TYRO3: variants seen among roughly 807,000 people sequenced by gnomAD.
The protein encoded by TYRO3 is tyrosine-protein kinase receptor TYRO3.
A neutral mutation model predicts 95.2 loss-of-function variants in TYRO3; 38 were observed. The ratio of observed to expected loss-of-function variants is 0.40; its 90% confidence interval spans 0.31 to 0.52. The LOEUF (loss-of-function observed/expected upper bound fraction) is 0.52. TYRO3 is among the 20% of genes least tolerant of loss of function. The pLI, the probability that TYRO3 is intolerant of heterozygous loss-of-function variation, is 0.56. For synonymous variants in TYRO3, 367 were observed against 432.9 expected, an observed-to-expected ratio of 0.85 and a Z score of 1.89; for missense variants, 812 against 1,116.4, an observed-to-expected ratio of 0.73 and a Z score of 3.89.
chr15:41,562,549 T>C lies in TYRO3; in HGVS notation c.411T>C (p.Gly137=), dbSNP rs775017119. ...CTCCTCACTCCCCTTCTCTCCTAGG[T>C]GTGCCATTTTTCACAGTGGAGCCAA... The part of the protein sequence containing the change: ...ISQPVWLTVE[G]VPFFTVEPKD... Residue 137 remains glycine (G), a splice_region_variant and synonymous_variant, in exon 4 of 19, where the codon GGT becomes GGC. Coordinates refer to ENST00000263798, the MANE Select transcript of TYRO3 (RefSeq NM_006293.4). The C allele has an allele frequency of 1.9e-6, 3 of 1,612,340 alleles. No homozygotes were observed. In the South Asian group the frequency reaches 3.3e-5, roughly 18 times the overall value.
At chr15:41,560,428 T>TGTGTGTGTGTGTGTGC (rs1408766845) in intron 1 of TYRO3, among the ~76,000 whole-genome samples, 17 of 135,308 alleles carry the variant, frequency 1.3e-4, no homozygotes, top group African/African-American at 2.4e-4. Context: ...TGTGTGTGTG[T>TGTGTGTGTGTGTGTGC]GCGCGCGCGC....
intron 6 of TYRO3, among the ~76,000 whole-genome samples, chr15:41,565,494 C>T (rs2055710523): frequency 6.6e-6 from 1 of 151,770 alleles, no homozygotes; most frequent in Non-Finnish European, 1.5e-5. Context: ...CTGCAACCTC[C>T]ACCTCCTGGG....
At chr15:41,562,449 C>A in intron 3 of TYRO3, 99 bp from the exon 4 acceptor site, 1 of 1,251,406 alleles carries the variant, frequency 8.0e-7, no homozygotes, top group Non-Finnish European at 1.1e-6. Context: ...CTGTGGGAAC[C>A]TTCTGCGTGG....
intron 4 of TYRO3, 28 bp downstream of exon 4, chr15:41,562,746 G>A: frequency 6.3e-7 from 1 of 1,589,996 alleles, no homozygotes; most frequent in East Asian, 2.3e-5. Context: ...GGGGCTGGGA[G>A]TGGAGAAGGA....
intron 18 of TYRO3, among the ~76,000 whole-genome samples, chr15:41,576,202 CT>C (rs1177696815): frequency 1.3e-5 from 2 of 148,642 alleles, no homozygotes; most frequent in Admixed American, 6.7e-5. Flanking sequence ...AGGACTTTTT[CT>C]TTTTTTTGAA....
intron 1 of TYRO3, among the ~76,000 whole-genome samples, chr15:41,560,435 GCGCGCGCGCGCTCGCA>G (rs2055637135): frequency 3.4e-5 from 5 of 148,750 alleles, no homozygotes; most frequent in African/African-American, 1.0e-4. Context: ...GTGTGCGCGC[GCGCGCGCGCGCTCGCA>G]CGCAAGTTCC....
chr15:41,563,771 G>A (rs1474449638), intron 4 of TYRO3, among the ~76,000 whole-genome samples: 1 of 152,232 alleles, frequency 6.6e-6, no homozygotes, highest in Non-Finnish European at 1.5e-5. Flanking sequence ...AAGGCAGAGA[G>A]TCTGCAAATA....
chr15:41,575,577 T>C (rs1004902798), intron 18 of TYRO3, among the ~76,000 whole-genome samples: 4 of 152,240 alleles, frequency 2.6e-5, no homozygotes, highest in African/African-American at 9.6e-5. Flanking sequence ...GTTCAGTGTC[T>C]GGCATGATTA....
intron 15 of TYRO3, 97 bp downstream of exon 15, chr15:41,572,661 G>C: frequency 6.5e-7 from 1 of 1,530,362 alleles, no homozygotes; most frequent in Admixed American, 1.9e-5. Context: ...TTGCTGGGTA[G>C]GGCTGATGGA....
At position 41,579,814 on chromosome 15, in the gene TYRO3, A is replaced by G. The variant is rs1378261255; in HGVS notation, c.*1538A>G. 1.3e-5 allele frequency: 2 copies of G among 150,312 alleles called. No individual in the cohort carries two copies. The highest frequency in any genetic ancestry group is 3.9e-4 in the East Asian group (2 of 5,124). The allele number at this position is 150,312 out of a possible 1,614,324, so 9.3% of individuals were successfully genotyped here. A position where few individuals can be genotyped will look rare whatever the true frequency, so the allele number is the denominator to read the frequency against. On this transcript the variant is annotated 3_prime_UTR_variant, in exon 19 of 19. Transcript: ENST00000263798. ...ACTCTGTCGCCCAGGCTGGAGTGCA[A>G]TTGCGCGATCTGAGCTCACTGCAAG...
intron 5 of TYRO3, 64 bp downstream of exon 5, chr15:41,564,334 C>A: frequency 6.7e-7 from 1 of 1,502,900 alleles, no homozygotes; most frequent in Non-Finnish European, 9.3e-7. Flanking sequence ...AGCTGTCCAG[C>A]AGTTAGAATC....
At chr15:41,564,057 C>T in intron 4 of TYRO3, 127 bp from the exon 5 acceptor site, 1 of 869,872 alleles carries the variant, frequency 1.1e-6, no homozygotes, top group South Asian at 1.5e-5. Context: ...TACCTCACTG[C>T]CCAGCCCCTT....
Position 41,583,362 on chromosome 15 carries a change from GA to G in TYRO3, c.*5088del, listed in dbSNP as rs1196196662. The G allele has an allele frequency of 1.3e-5, 2 of 151,488 alleles. No individual in the cohort carries two copies. Among genetic ancestry groups the G allele is most frequent in the Non-Finnish European group, 3.0e-5 (2 of 67,598 alleles). 9.4% of individuals were successfully genotyped at this position (151,488 alleles called of 1,614,324 possible). ...CCAGGCTGGTCTTGAACTCTGGGCT[GA>G]AGCGATCTGCCCACCTTGGCCTCTC... On this transcript the variant is annotated 3_prime_UTR_variant, in exon 19 of 19. Coordinates refer to ENST00000263798, the MANE Select transcript of TYRO3 (RefSeq NM_006293.4).
rs1008022302 is a variant in TYRO3 at position 41,582,569 on chromosome 15, C to T, written c.*4293C>T. ...TGCTGGTGGGTGCCTGTAATCCCAGCTACTTGGGAGGCTGAGGTAGGAGAA... is the reference window on the plus strand; with the variant it reads ...TGCTGGTGGGTGCCTGTAATCCCAGTTACTTGGGAGGCTGAGGTAGGAGAA... On this transcript the variant is annotated 3_prime_UTR_variant, in exon 19 of 19. Coordinates refer to ENST00000263798, the MANE Select transcript of TYRO3 (RefSeq NM_006293.4). 6.6e-6 allele frequency: 1 copy of T among 151,670 alleles called. No individual in the cohort carries two copies. Among genetic ancestry groups the T allele is most frequent in the African/African-American group, 2.4e-5 (1 of 41,266 alleles). 9.4% of individuals were successfully genotyped at this position (151,670 alleles called of 1,614,324 possible). A position where few individuals can be genotyped will look rare whatever the true frequency, so the allele number is the denominator to read the frequency against.
Position 41,571,135 on chromosome 15 carries a change from T to A in TYRO3, c.1660+17T>A. On this transcript the variant is annotated intron_variant, in intron 13 of 18. Transcript: ENST00000263798. ...TGCTGAAAGGTGAGTGGGGGATAGC[T>A]GTAGCCTGAGGGCATCACTTGGAAG... is the stretch of plus-strand genomic sequence containing the variant. The A allele has an allele frequency of 6.8e-7, 1 of 1,473,644 alleles. No individual in the cohort carries two copies. The highest frequency in any genetic ancestry group is 9.5e-7 in the Non-Finnish European group (1 of 1,050,540). The allele number at this position is 1,473,644 out of a possible 1,614,324, so 91.3% of individuals were successfully genotyped here.
intron 9 of TYRO3, among the ~76,000 whole-genome samples, chr15:41,569,826 C>T (rs1221688672): frequency 6.6e-6 from 1 of 152,196 alleles, no homozygotes; most frequent in Non-Finnish European, 1.5e-5. Flanking sequence ...AATCCATGGT[C>T]ACCCTCTAGG....
rs139698238 is a variant in TYRO3 at position 41,570,669 on chromosome 15, C to G, written c.1549C>G (p.Gln517Glu). Reference protein sequence around the residue: ...KLEDVLIPEQQFTLGRMLGKG... With the variant: ...KLEDVLIPEQEFTLGRMLGKG... ...GGAGGATGTGCTCATCCCAGAGCAG[C>G]AGTTCACCCTGGGCCGGATGTTGGG... The change falls in exon 12 of 19, where the codon CAG (glutamine) becomes GAG (glutamate). Residue 517 changes from glutamine (Q) to glutamate (E), a missense_variant. Transcript: ENST00000263798. The G allele has an allele frequency of 1.2e-6, 2 of 1,614,082 alleles. No homozygotes were observed. Among genetic ancestry groups the G allele is most frequent in the African/African-American group, 1.3e-5 (1 of 74,916 alleles).
At position 41,561,135 on chromosome 15, in the gene TYRO3, C is replaced by T. The variant is rs2055647223; in HGVS notation, c.133C>T (p.Leu45Phe). The T allele has an allele frequency of 6.2e-7, 1 of 1,614,054 alleles. No individual in the cohort carries two copies. The highest frequency in any genetic ancestry group is 1.7e-5 in the Admixed American group (1 of 60,006). ...TCCTTCCCACCCCTCAGGTCTGAAG[C>T]TCATGGGAGCCCCGGTGAAGCTGAC... ...LPESAAAGLK[L>F]MGAPVKLTVS... The change falls in exon 2 of 19, where the codon CTC (leucine) becomes TTC (phenylalanine). Residue 45 changes from leucine to phenylalanine, a missense_variant. Transcript: ENST00000263798.
intron 15 of TYRO3, among the ~76,000 whole-genome samples, 154 bp from the exon 16 acceptor site, chr15:41,572,848 C>A (rs543787957): frequency 5.5e-4 from 84 of 152,296 alleles, no homozygotes; most frequent in African/African-American, 1.9e-3. Context: ...TTAGGCTAGC[C>A]GAAGCTTCCT....
Sources: allele counts gnomAD v4.1 joint callset (sites outside exome capture counted in the v4.1 genomes callset), GRCh38; gene constraint gnomAD v4.1.1; transcripts MANE v1.5; gene names NCBI Gene and HGNC (gene_info 2026-07-23, HGNC 2026-07-21).